The following TTC7B variants were observed in gnomAD, a reference collection of about 807,000 sequenced individuals.
The protein encoded by TTC7B is tetratricopeptide repeat domain 7B, also known as tetratricopeptide repeat protein 7B.
A neutral mutation model predicts 106.8 loss-of-function variants in TTC7B; 28 were observed. That is an observed-to-expected ratio of 0.26 (90% confidence interval 0.19 to 0.36). TTC7B has a LOEUF of 0.36. Ranked by LOEUF, TTC7B falls within the 10% of genes least tolerant of loss-of-function variation. The probability of loss-of-function intolerance (pLI) is 1.00; values close to 1 mark genes in which losing one functional copy is unlikely to be tolerated. For synonymous variants in TTC7B, 405 were observed against 430.6 expected (o/e 0.94, Z 0.74); for missense variants, 862 against 1,076.4 (o/e 0.80, Z 2.79).
At chr14:90,789,700 T>C (rs992992400) in intron 1 of TTC7B, among the ~76,000 whole-genome samples, 1 of 151,892 alleles carries the variant, frequency 6.6e-6, no homozygotes, top group Non-Finnish European at 1.5e-5. Context: ...ATCAAGACCA[T>C]CCTGGCTAAC....
rs550351618 is a variant in TTC7B, at chr14:90,657,920, A to G, written c.1236+384T>C. The G allele has an allele frequency of 1.9e-5, 4 of 205,696 alleles. No individual in the cohort carries two copies. The highest frequency in any genetic ancestry group is 4.0e-5 in the Non-Finnish European group (4 of 99,926). The allele number at this position is 205,696 out of a possible 1,614,324, so 12.7% of individuals were successfully genotyped here. ...TTGGACTCCCTCAGCCCACATTTTC[A>G]TCCAGTATCATGCACTGCCTAATAT... On this transcript the variant is annotated intron_variant, in intron 10 of 19. Transcript: ENST00000328459. The surrounding 1 kb of genome is among the most constrained non-coding windows in gnomAD (Gnocchi z 4.2).
At chr14:90,716,899 G>C (rs1888677828) in intron 5 of TTC7B, among the ~76,000 whole-genome samples, 1 of 152,138 alleles carries the variant, frequency 6.6e-6, no homozygotes. Context: ...ATGCCAGGGG[G>C]AGGCAGAAGG....
At chr14:90,643,867 G>A (rs1377523163) in intron 15 of TTC7B, among the ~76,000 whole-genome samples, 181 bp downstream of exon 15, 2 of 152,144 alleles carry the variant, frequency 1.3e-5, no homozygotes, top group African/African-American at 2.4e-5. Context: ...ATAGATGTGA[G>A]CCACGGCGCC....
chr14:90,572,524 T>C (rs892210376), intron 19 of TTC7B, among the ~76,000 whole-genome samples: 1 of 152,252 alleles, frequency 6.6e-6, no homozygotes, highest in Non-Finnish European at 1.5e-5. Context: ...ATGTAGTCCC[T>C]TGAAATAGAA....
At chr14:90,694,991 A>AATATATGTATAATATATGT (rs1447513719) in intron 6 of TTC7B, among the ~76,000 whole-genome samples, 2 of 115,218 alleles carry the variant, frequency 1.7e-5, no homozygotes, top group African/African-American at 6.2e-5. Flanking sequence ...TATATTTATA[A>AATATATGTATAATATATGT]CACATATGCC....
At chr14:90,598,107 C>T (rs552012984) in intron 17 of TTC7B, among the ~76,000 whole-genome samples, 17 of 152,346 alleles carry the variant, frequency 1.1e-4, no homozygotes, top group Middle Eastern at 3.4e-3. Flanking sequence ...TGCTGCGCAG[C>T]GGCTGCCGTG....
At chr14:90,771,319 G>A (rs895864976) in intron 3 of TTC7B, among the ~76,000 whole-genome samples, 7 of 152,104 alleles carry the variant, frequency 4.6e-5, no homozygotes, top group African/African-American at 1.4e-4. Flanking sequence ...TCATAGGCCC[G>A]GCACCGTGGC....
intron 16 of TTC7B, among the ~76,000 whole-genome samples, chr14:90,617,193 G>C (rs144307082): frequency 6.6e-6 from 1 of 152,130 alleles, no homozygotes; most frequent in Non-Finnish European, 1.5e-5. Flanking sequence ...ATTAACCCGC[G>C]GAAAACTGAT....
chr14:90,592,708 C>CAA (rs532130582), intron 18 of TTC7B, among the ~76,000 whole-genome samples: 22 of 118,484 alleles, frequency 1.9e-4, no homozygotes, highest in East Asian at 7.1e-4. Flanking sequence ...GACTCTGTCT[C>CAA]AAAAAAAAAA....
intron 13 of TTC7B, among the ~76,000 whole-genome samples, chr14:90,651,666 A>C (rs1885722815): frequency 6.6e-6 from 1 of 152,262 alleles, no homozygotes; most frequent in African/African-American, 2.4e-5. Flanking sequence ...AAAGCTTAGC[A>C]CAGAGACAGG....
intron 16 of TTC7B, among the ~76,000 whole-genome samples, chr14:90,612,908 C>G (rs958538748): frequency 1.3e-5 from 2 of 152,178 alleles, no homozygotes; most frequent in Non-Finnish European, 2.9e-5. Context: ...AAACCCCAAA[C>G]AAACCATCAT....
intron 19 of TTC7B, among the ~76,000 whole-genome samples, chr14:90,554,859 T>C (rs1460813774): frequency 6.6e-6 from 1 of 152,216 alleles, no homozygotes; most frequent in Non-Finnish European, 1.5e-5. Context: ...GGATCTGATG[T>C]TTCTGCTCCA....
chr14:90,780,933 G>A (rs1436219897), intron 2 of TTC7B, 27 bp from the exon 3 acceptor site: 1 of 1,610,046 alleles, frequency 6.2e-7, no homozygotes, highest in African/African-American at 1.3e-5. Context: ...AGAAAGAAAA[G>A]CATTTTCCTA....
At chr14:90,642,494 T>G (rs1595236325) in intron 15 of TTC7B, 1 of 152,274 alleles carries the variant, frequency 6.6e-6, no homozygotes, top group African/African-American at 2.4e-5. Flanking sequence ...CTACATTCTT[T>G]CCCTTCTCCC....
chr14:90,719,727 C>T (rs1888813770), intron 5 of TTC7B, among the ~76,000 whole-genome samples: 1 of 152,210 alleles, frequency 6.6e-6, no homozygotes, highest in African/African-American at 2.4e-5. Context: ...TGTCCTATAT[C>T]TATCTAAGTA....
At chr14:90,621,683 C>T (rs1011198847) in intron 15 of TTC7B, among the ~76,000 whole-genome samples, 1 of 152,232 alleles carries the variant, frequency 6.6e-6, no homozygotes, top group Non-Finnish European at 1.5e-5. Context: ...CCCTGCCCGT[C>T]GCCAACACTC....
In TTC7B at chr14:90,786,261, C is replaced by T. The variant is rs774677351; in HGVS notation, c.189G>A (p.Arg63=). 6.2e-7 allele frequency: 1 copy of T among 1,612,568 alleles called. No individual in the cohort carries two copies. The highest frequency in any genetic ancestry group is 1.7e-5 in the Admixed American group (1 of 59,786). The change falls in exon 2 of 20, where the codon AGG becomes AGA. Residue 63 remains arginine, a synonymous_variant. Transcript: ENST00000328459. ...TGGGGCCTCGGGGACTGGCCCCCTG[C>T]CTCAGGGGGTGTTCCTTCAGGTACT... ...LEQYLKEHPL[R]QGASPRGPKP...
chr14:90,666,378 C>T (rs1886411397), intron 9 of TTC7B, among the ~76,000 whole-genome samples: 1 of 152,162 alleles, frequency 6.6e-6, no homozygotes, highest in South Asian at 2.1e-4. Flanking sequence ...CTGGGCTGGT[C>T]TCAACCTCCT....
intron 5 of TTC7B, among the ~76,000 whole-genome samples, chr14:90,727,226 G>A (rs905209960): frequency 2.0e-5 from 3 of 152,168 alleles, no homozygotes; most frequent in Admixed American, 2.0e-4. Context: ...GCGATGTCCT[G>A]TCCGGGGTCA....
Sources: gnomAD v4.1 joint callset for allele counts (sites outside exome capture counted in the v4.1 genomes callset) on GRCh38, gnomAD v4.1.1 for gene constraint, Gnocchi (gnomAD v3.1) non-coding constraint, MANE v1.5 for transcripts, NCBI Gene and HGNC (gene_info 2026-07-23, HGNC 2026-07-21) for gene names.